Variants in DOCK1 observed in about 807,000 individuals in gnomAD.
DOCK1 encodes dedicator of cytokinesis 1, also known as dedicator of cytokinesis protein 1.
A neutral mutation model predicts 262.7 loss-of-function variants in DOCK1; 138 were observed. The observed-to-expected ratio is 0.53, with a 90% CI of 0.46 to 0.61. The LOEUF is 0.61. Among genes scored for constraint, DOCK1 ranks in the 20% least tolerant of loss-of-function variants. DOCK1 has a pLI of 0.00. For missense variants in DOCK1, 1,908 were observed against 2,370.7 expected, an observed-to-expected ratio of 0.80 and a Z score of 4.05; for synonymous variants, 866 against 867.4, an observed-to-expected ratio of 1.00 and a Z score of 0.03.
At chr10:127,299,380 A>G (rs2061606243) in intron 29 of DOCK1, among the ~76,000 whole-genome samples, 2 of 152,250 alleles carry the variant, frequency 1.3e-5, no homozygotes. Context: ...CTGGGATTAC[A>G]GGCGTGAGCC....
intron 29 of DOCK1, among the ~76,000 whole-genome samples, chr10:127,303,442 A>G (rs1050988861): frequency 6.6e-6 from 1 of 152,196 alleles, no homozygotes; most frequent in African/African-American, 2.4e-5. Context: ...CATTTAGTCA[A>G]AAAGAGTCTC....
At chr10:127,387,188 G>A (rs1202314624) in intron 38 of DOCK1, among the ~76,000 whole-genome samples, 2 of 152,170 alleles carry the variant, frequency 1.3e-5, no homozygotes, top group African/African-American at 2.4e-5. Flanking sequence ...TGGCTCCCGC[G>A]ACCTCTCCAC....
At chr10:127,289,952 T>G (rs2061294344) in intron 29 of DOCK1, among the ~76,000 whole-genome samples, 1 of 152,120 alleles carries the variant, frequency 6.6e-6, no homozygotes, top group East Asian at 1.9e-4. Flanking sequence ...ATTTTTTACT[T>G]TTGTATTTCT....
intron 1 of DOCK1, among the ~76,000 whole-genome samples, chr10:126,920,095 T>C (rs1034225323): frequency 3.9e-5 from 6 of 152,106 alleles, no homozygotes; most frequent in Admixed American, 6.6e-5. Context: ...TCCATCCCGA[T>C]GGGCTTCCTG....
intron 27 of DOCK1, among the ~76,000 whole-genome samples, chr10:127,179,088 GT>G (rs2055468476): frequency 6.6e-6 from 1 of 152,160 alleles, no homozygotes; most frequent in Non-Finnish European, 1.5e-5. Context: ...CAATTTACTA[GT>G]AATTTATCAG....
chr10:126,947,442 GTGGTGGTGGTGGTGGT>G (rs2035556277), intron 1 of DOCK1, among the ~76,000 whole-genome samples: 4 of 131,842 alleles, frequency 3.0e-5, no homozygotes, highest in Middle Eastern at 3.7e-3. Context: ...ATTACTGTTG[GTGGTGGTGGTGGTGGT>G]TGGTAGTATT....
At chr10:126,989,071 T>TC (rs2039613857) in intron 5 of DOCK1, among the ~76,000 whole-genome samples, 1 of 60,910 alleles carries the variant, frequency 1.6e-5, no homozygotes, top group Admixed American at 2.1e-4. Context: ...AGACCCCTTC[T>TC]CAAAAAAAAA....
intron 30 of DOCK1, among the ~76,000 whole-genome samples, chr10:127,342,919 C>G (rs2063494982): frequency 6.6e-6 from 1 of 152,260 alleles, no homozygotes; most frequent in East Asian, 1.9e-4. Context: ...CTATACTATT[C>G]TTAAGTGAGG....
chr10:126,946,655 C>T (rs1488900970), intron 1 of DOCK1, among the ~76,000 whole-genome samples: 12 of 152,306 alleles, frequency 7.9e-5, no homozygotes, highest in South Asian at 2.1e-4. Context: ...CACATAGGAA[C>T]GGAATTGCAC....
intron 31 of DOCK1, among the ~76,000 whole-genome samples, chr10:127,354,304 G>A (rs993382043): frequency 6.6e-6 from 1 of 152,214 alleles, no homozygotes; most frequent in African/African-American, 2.4e-5. Flanking sequence ...GTTGTGTGCA[G>A]TAGGATGTTA....
At chr10:126,967,409 G>A (rs2037753885) in intron 1 of DOCK1, among the ~76,000 whole-genome samples, 1 of 152,184 alleles carries the variant, frequency 6.6e-6, no homozygotes, top group South Asian at 2.1e-4. Flanking sequence ...CCCTGGACTT[G>A]TCTGGGTTTA....
chr10:127,338,925 T>G (rs2063309274), intron 29 of DOCK1, 81 bp from the exon 30 acceptor site: 1 of 1,198,882 alleles, frequency 8.3e-7, no homozygotes, highest in Admixed American at 2.0e-5. Flanking sequence ...CAGTCTGGGA[T>G]TGTATCTAAT....
At chr10:127,443,155 T>A (rs1260305015) in intron 49 of DOCK1, among the ~76,000 whole-genome samples, 1 of 152,212 alleles carries the variant, frequency 6.6e-6, no homozygotes, top group Non-Finnish European at 1.5e-5. Context: ...ACCTCTGCTT[T>A]CATCTTCACG....
rs78047979 is a variant in DOCK1 at position 126,926,350 on chromosome 10, C to T, written c.46+20787C>T. ...CTCTCAGCTCGAAAATAGGTACAAA[C>T]GTCAGTGTGAATTGAGATTTCCAGG... On this transcript the variant is annotated intron_variant, in intron 1 of 51. Coordinates refer to ENST00000623213, the MANE Select transcript of DOCK1 (RefSeq NM_001290223.2). Among the ~76,000 whole-genome samples, 1,164 of 151,528 alleles carry T rather than the reference C, an allele frequency of 7.7e-3. 20 individuals carry two copies. The highest frequency in any genetic ancestry group is 0.027 in the African/African-American group (1,098 of 41,274).
intron 27 of DOCK1, among the ~76,000 whole-genome samples, chr10:127,156,566 T>A (rs2053095053): frequency 7.3e-6 from 1 of 136,658 alleles, no homozygotes; most frequent in Non-Finnish European, 1.6e-5. Context: ...CTTCTTCTTT[T>A]TTTTTTTTTT....
chr10:126,999,472 C>A, intron 9 of DOCK1, 37 bp downstream of exon 9: 1 of 1,569,778 alleles, frequency 6.4e-7, no homozygotes, highest in Non-Finnish European at 8.8e-7. Context: ...GAATTGGCTA[C>A]CATTCTAAGG....
intron 31 of DOCK1, among the ~76,000 whole-genome samples, chr10:127,352,679 G>A (rs944011560): frequency 5.3e-5 from 8 of 152,000 alleles, no homozygotes; most frequent in Admixed American, 1.3e-4. Context: ...TACAACCTCC[G>A]CCGCCCAGGT....
At chr10:127,413,194 A>G (rs2067962187) in intron 43 of DOCK1, among the ~76,000 whole-genome samples, 1 of 152,228 alleles carries the variant, frequency 6.6e-6, no homozygotes, top group Non-Finnish European at 1.5e-5. Context: ...AGAAATAGAC[A>G]CAAGGAGGTC....
In DOCK1 at chr10:127,325,904, T is replaced by C. The variant is rs552461122; in HGVS notation, c.3045-13102T>C. Among the ~76,000 whole-genome samples the C allele has an allele frequency of 3.9e-5, 6 of 152,236 alleles. No individual in the cohort carries two copies. In the South Asian group the frequency reaches 1.2e-3, roughly 32 times the overall value. On this transcript the variant is annotated intron_variant, in intron 29 of 51. Coordinates refer to ENST00000623213, the MANE Select transcript of DOCK1 (RefSeq NM_001290223.2). ...TCCCTACCAGACCACCACGAAAAAG[T>C]GAAGTTTGCAATAAAGCAAGTCACA... is the stretch of plus-strand genomic sequence containing the variant.
Sources: gnomAD v4.1 joint callset for allele counts (sites outside exome capture counted in the v4.1 genomes callset) on GRCh38, gnomAD v4.1.1 for gene constraint, MANE v1.5 for transcripts, NCBI Gene and HGNC (gene_info 2026-07-23, HGNC 2026-07-21) for gene names.